Variants in PDE1C observed in about 807,000 individuals in gnomAD.
PDE1C encodes the protein dual specificity calcium/calmodulin-dependent 3',5'-cyclic nucleotide phosphodiesterase 1C.
A neutral mutation model predicts 93.1 loss-of-function variants in PDE1C; 62 were observed. The observed-to-expected ratio is 0.67, with a 90% CI of 0.54 to 0.82. The LOEUF is 0.82. Among genes scored for constraint, PDE1C ranks in the 40% least tolerant of loss-of-function variants. The probability of loss-of-function intolerance (pLI) is 0.00; values close to 1 mark genes in which losing one functional copy is unlikely to be tolerated. For synonymous variants in PDE1C, 325 were observed against 310.1 expected (o/e 1.05, Z -0.50); for missense variants, 742 against 884.6 (o/e 0.84, Z 2.04).
chr7:31,997,324 T>G (rs60029113), intron 2 of PDE1C, among the ~76,000 whole-genome samples: 5,998 of 152,280 alleles, frequency 0.039, 418 homozygotes, highest in African/African-American at 0.14. Flanking sequence ...GTAAAGGATC[T>G]TACACAGTAT....
chr7:31,622,018 A>G, the PDE1C span, among the ~76,000 whole-genome samples: 3 of 142,376 alleles, frequency 2.1e-5, no homozygotes, highest in African/African-American at 7.9e-5. Flanking sequence ...AGGCCATTAC[A>G]TAATGGTAAA....
intron 2 of PDE1C, among the ~76,000 whole-genome samples, chr7:31,921,333 T>C (rs565505732): frequency 6.6e-6 from 1 of 152,336 alleles, no homozygotes; most frequent in African/African-American, 2.4e-5. Flanking sequence ...GCGGACACTG[T>C]GCATTCTTGT....
intron 1 of PDE1C, among the ~76,000 whole-genome samples, chr7:32,282,839 C>CA (rs1443356815): frequency 6.6e-6 from 1 of 152,152 alleles, no homozygotes; most frequent in Non-Finnish European, 1.5e-5. Context: ...CTCCGCCTCC[C>CA]AAAGTGCTGA....
chr7:32,251,036 G>C (rs550706814), intron 1 of PDE1C, among the ~76,000 whole-genome samples: 1 of 152,198 alleles, frequency 6.6e-6, no homozygotes, highest in Non-Finnish European at 1.5e-5. Flanking sequence ...AGAAAATGAC[G>C]GATTATCAAC....
chr7:31,831,554 A>G (rs1044911527), intron 11 of PDE1C, among the ~76,000 whole-genome samples: 3 of 152,056 alleles, frequency 2.0e-5, no homozygotes, highest in Non-Finnish European at 4.4e-5. Context: ...CCCTAATAAT[A>G]AACCAAGGAC....
At chr7:31,864,218 A>G (rs765921165) in intron 7 of PDE1C, among the ~76,000 whole-genome samples, 1 of 152,198 alleles carries the variant, frequency 6.6e-6, no homozygotes, top group Non-Finnish European at 1.5e-5. Flanking sequence ...AAACAACTGA[A>G]GATGGTGCAC....
At chr7:32,391,622 G>A (rs2128093132) in intron 1 of PDE1C, among the ~76,000 whole-genome samples, 1 of 152,156 alleles carries the variant, frequency 6.6e-6, no homozygotes, top group African/African-American at 2.4e-5. Context: ...AATTTTAAAA[G>A]GTTGAAAGTA....
chr7:31,965,851 C>T (rs554065112), intron 2 of PDE1C, among the ~76,000 whole-genome samples: 2 of 152,238 alleles, frequency 1.3e-5, no homozygotes, highest in East Asian at 3.9e-4. Flanking sequence ...TCATATCCAG[C>T]CAAACTAAGC....
chr7:31,761,261 A>G (rs1290717548), intron 17 of PDE1C, among the ~76,000 whole-genome samples: 1 of 152,194 alleles, frequency 6.6e-6, no homozygotes, highest in Non-Finnish European at 1.5e-5. Flanking sequence ...TACCAATAAT[A>G]AAAGAGTCAA....
the PDE1C span, among the ~76,000 whole-genome samples, chr7:31,632,430 G>C: frequency 6.6e-6 from 1 of 152,200 alleles, no homozygotes; most frequent in Non-Finnish European, 1.5e-5. Context: ...CTGGGTGACA[G>C]AGCGAGACTC....
the PDE1C span, among the ~76,000 whole-genome samples, chr7:31,689,937 C>A: frequency 6.6e-6 from 1 of 152,196 alleles, no homozygotes; most frequent in African/African-American, 2.4e-5. Flanking sequence ...TTCTTTAAAT[C>A]ACACTGATTT....
chr7:31,950,649 T>C (rs1807241971), intron 2 of PDE1C, among the ~76,000 whole-genome samples: 1 of 152,188 alleles, frequency 6.6e-6, no homozygotes, highest in African/African-American at 2.4e-5. Flanking sequence ...AGCAATAAAC[T>C]TGAATCCACT....
chr7:31,753,630 C>T (rs1373515333), intron 17 of PDE1C, 77 bp from the exon 18 acceptor site: 2 of 1,511,924 alleles, frequency 1.3e-6, no homozygotes, highest in Non-Finnish European at 1.8e-6. Flanking sequence ...TTGTGAGCAA[C>T]TTCCTCTAGA....
intron 1 of PDE1C, among the ~76,000 whole-genome samples, chr7:32,283,801 A>T (rs1811830342): frequency 6.6e-6 from 1 of 152,192 alleles, no homozygotes; most frequent in Non-Finnish European, 1.5e-5. Flanking sequence ...CTGTTCAGTA[A>T]TTACTACAAG....
At chr7:32,172,367 A>T (rs575181653) in intron 2 of PDE1C, among the ~76,000 whole-genome samples, 1 of 152,300 alleles carries the variant, frequency 6.6e-6, no homozygotes, top group Non-Finnish European at 1.5e-5. Flanking sequence ...CAACACCATC[A>T]AAAAATGGGC....
intron 1 of PDE1C, among the ~76,000 whole-genome samples, chr7:32,053,938 C>A (rs30585): frequency 0.85 from 129,499 of 151,466 alleles, 55,488 homozygotes; most frequent in Middle Eastern, 0.91. Context: ...GTCTTGATTG[C>A]TGGGTGAAAT....
chr7:32,178,721 C>T (rs1040473396), intron 2 of PDE1C, among the ~76,000 whole-genome samples: 5 of 152,102 alleles, frequency 3.3e-5, no homozygotes, highest in African/African-American at 1.2e-4. Context: ...TCATTCAATG[C>T]CTATTACATT....
chr7:31,834,764 T>C (rs887519048), intron 11 of PDE1C, among the ~76,000 whole-genome samples: 10 of 152,044 alleles, frequency 6.6e-5, no homozygotes, highest in African/African-American at 1.4e-4. Context: ...CTGTGGACTT[T>C]TGAGTTAATG....
chr7:31,694,005 A>G, the PDE1C span, among the ~76,000 whole-genome samples: 1 of 152,238 alleles, frequency 6.6e-6, no homozygotes, highest in Non-Finnish European at 1.5e-5. Flanking sequence ...CTAACGGAAT[A>G]GTTTCTTATA....
Sources: gnomAD v4.1 joint callset for allele counts (sites outside exome capture counted in the v4.1 genomes callset) on GRCh38, gnomAD v4.1.1 for gene constraint, MANE v1.5 for transcripts, NCBI Gene and HGNC (gene_info 2026-07-23, HGNC 2026-07-21) for gene names.